The following CHID1 variants were observed in gnomAD, a reference collection of about 807,000 sequenced individuals.
The protein encoded by CHID1 is chitinase domain-containing protein 1.
Under a neutral mutation model 55.4 loss-of-function variants are expected in CHID1, and 44 were observed. That is an observed-to-expected ratio of 0.79 (90% CI 0.62 to 1.02). The LOEUF is 1.02. Ranked by LOEUF, CHID1 falls within the 50% of genes least tolerant of loss-of-function variation. The pLI is 0.00. For synonymous variants in CHID1, 216 were observed against 212.9 expected (o/e 1.01, Z -0.13); for missense variants, 491 against 515.3 (o/e 0.95, Z 0.46).
intron 10 of CHID1, among the ~76,000 whole-genome samples, chr11:880,067 C>T (rs1849794258): frequency 1.3e-5 from 2 of 152,358 alleles, no homozygotes; most frequent in Admixed American, 6.5e-5. Flanking sequence ...GGCCGGGCCC[C>T]TCACTCTGCA....
upstream of CHID1, chr11:910,941 G>T: frequency 2.6e-6 from 1 of 387,458 alleles, no homozygotes; most frequent in Non-Finnish European, 3.5e-6. Flanking sequence ...CGAAAGTCGG[G>T]GCCGGGGCCG....
Position 910,781 on chromosome 11 carries a change from G to C in CHID1, c.-50C>G. The C allele has an allele frequency of 8.8e-7, 1 of 1,130,524 alleles. No individual in the cohort carries two copies. Among genetic ancestry groups the C allele is most frequent in the African/African-American group, 1.7e-5 (1 of 58,432 alleles). The allele number at this position is 1,130,524 out of a possible 1,614,324, so 70.0% of individuals were successfully genotyped here. A position where few individuals can be genotyped will look rare whatever the true frequency, so the allele number is the denominator to read the frequency against. ...CGGCCGCCGCGGGGCTCACCTGCAT[G>C]TCAGGGAGGCCGGACGGCCACAAAC... On this transcript the variant is annotated 5_prime_UTR_variant, in exon 1 of 13. Transcript: ENST00000323578.
chr11:885,449 G>A (rs1382804443), intron 8 of CHID1, among the ~76,000 whole-genome samples: 1 of 152,130 alleles, frequency 6.6e-6, no homozygotes, highest in East Asian at 1.9e-4. Context: ...CTGCAGGTAC[G>A]TGGAGCATCA....
In CHID1 at chr11:884,077, G is replaced by A; in HGVS notation, c.794C>T (p.Thr265Ile). 3 of 1,613,584 alleles carry A rather than the reference G, an allele frequency of 1.9e-6. No individual in the cohort carries two copies. The highest frequency in any genetic ancestry group is 2.5e-6 in the Non-Finnish European group (3 of 1,179,494). ...GFSLMTYDYS[T>I]AHQPGPNAPL... is the part of the protein sequence containing the mutation. ...CCAAGCCCACACTCACTGATGCGCT[G>A]TAGAGTAGTCGTAGGTCATGAGGCT... Residue 265 changes from threonine (T) to isoleucine (I), a missense_variant, in exon 9 of 13, where the codon ACA becomes ATA. Thr to Ile is a moderately conservative substitution (Grantham distance 89). Coordinates refer to ENST00000323578, the MANE Select transcript of CHID1 (RefSeq NM_023947.4).
chr11:915,125 A>C (rs1480606877), upstream of CHID1: 1 of 152,874 alleles, frequency 6.5e-6, no homozygotes, highest in Admixed American at 6.5e-5. Flanking sequence ...TGGGATAAGC[A>C]AATCCAGGGC....
chr11:899,728 GGGTAGCAGGCAGCTGGGCTTTGCCCAA>G (rs1446507065), intron 6 of CHID1, among the ~76,000 whole-genome samples: 1 of 152,236 alleles, frequency 6.6e-6, no homozygotes, highest in Non-Finnish European at 1.5e-5. Context: ...CCTCCCAGGA[GGGTAGCAGGCAGCTGGGCTTTGCCCAA>G]GGGAAGAACC....
At chr11:870,396 G>A (rs746147568) in intron 11 of CHID1, 23 bp downstream of exon 11, 10 of 1,587,404 alleles carry the variant, frequency 6.3e-6, no homozygotes, top group Non-Finnish European at 8.6e-6. Flanking sequence ...GCCAAGGTGG[G>A]CCACGCACTT....
chr11:912,970 T>C (rs1193470963), upstream of CHID1, among the ~76,000 whole-genome samples: 1 of 152,172 alleles, frequency 6.6e-6, no homozygotes, highest in Non-Finnish European at 1.5e-5. Context: ...AGCATTCCTG[T>C]ATTAAGTGAA....
At chr11:887,367 C>T (rs1304361119) in intron 8 of CHID1, among the ~76,000 whole-genome samples, 1 of 152,196 alleles carries the variant, frequency 6.6e-6, no homozygotes, top group African/African-American at 2.4e-5. Flanking sequence ...ATTTTCTCTC[C>T]TCTAGCTCTC....
chr11:910,909 C>CA, upstream of CHID1: 1 of 939,412 alleles, frequency 1.1e-6, no homozygotes. Context: ...TGGGCCAGGA[C>CA]AGGGGACTGG....
intron 10 of CHID1, among the ~76,000 whole-genome samples, chr11:876,932 C>T (rs1341388694): frequency 2.0e-5 from 3 of 152,190 alleles, no homozygotes; most frequent in African/African-American, 4.8e-5. Context: ...GGCCTGCTCC[C>T]CTCCAGTGGT....
At chr11:896,746 C>T (rs1462961646) in intron 7 of CHID1, among the ~76,000 whole-genome samples, 1 of 144,876 alleles carries the variant, frequency 6.9e-6, no homozygotes, top group African/African-American at 2.6e-5. Flanking sequence ...CTCAGCACCC[C>T]TAGCCTCCAC....
chr11:872,103 G>C (rs749560207), intron 10 of CHID1, among the ~76,000 whole-genome samples: 6 of 152,180 alleles, frequency 3.9e-5, no homozygotes, highest in Non-Finnish European at 5.9e-5. Flanking sequence ...CACATGGCAG[G>C]GAGGGTGGGA....
At chr11:905,037 T>C (rs1852109434) in intron 1 of CHID1, among the ~76,000 whole-genome samples, 178 bp from the exon 2 acceptor site, 1 of 152,152 alleles carries the variant, frequency 6.6e-6, no homozygotes. Flanking sequence ...CACAGTCTAT[T>C]CTCCAGTACT....
At chr11:914,602 C>G, upstream of CHID1, 1 of 1,284,468 alleles carries the variant, frequency 7.8e-7, no homozygotes, top group Non-Finnish European at 1.0e-6. Context: ...GGAGTGGTGG[C>G]TCACGCCGTA....
intron 11 of CHID1, 90 bp downstream of exon 11, chr11:870,329 C>A (rs1010636964): frequency 1.5e-6 from 2 of 1,348,382 alleles, no homozygotes; most frequent in Non-Finnish European, 2.1e-6. Context: ...ACCCTGAGAC[C>A]CCCTGGGCCC....
intron 10 of CHID1, among the ~76,000 whole-genome samples, chr11:874,558 G>A (rs900094987): frequency 3.9e-5 from 6 of 152,278 alleles, no homozygotes; most frequent in Middle Eastern, 3.4e-3. Context: ...AGGCTCAAGC[G>A]ATCCTCCCGC....
chr11:880,728 G>T (rs931481244), intron 10 of CHID1, among the ~76,000 whole-genome samples: 1 of 151,926 alleles, frequency 6.6e-6, no homozygotes, highest in Non-Finnish European at 1.5e-5. Flanking sequence ...GCTGACACAC[G>T]CACACACCCC....
At position 904,717 on chromosome 11, in the gene CHID1, G is replaced by T. The variant is rs1852080992; in HGVS notation, c.100C>A (p.Leu34Met). ...SDAKKAASKT[L>M]LEKSQFSDKP... ...CAGGCCACCCTTACCTTCTCCAGCA[G>T]CGTCTTTGAGGCGGCTTTTTTGGCA... The change falls in exon 2 of 13, where the codon CTG becomes ATG. Residue 34 changes from leucine (L) to methionine (M), a missense_variant. Leu to Met is a conservative substitution (Grantham distance 15, BLOSUM62 2). Coordinates refer to ENST00000323578, the MANE Select transcript of CHID1 (RefSeq NM_023947.4). The T allele has an allele frequency of 1.2e-6, 2 of 1,614,026 alleles. No individual in the cohort carries two copies. Among genetic ancestry groups the T allele is most frequent in the South Asian group, 1.1e-5 (1 of 91,094 alleles).
Sources: gnomAD v4.1 joint callset for allele counts (sites outside exome capture counted in the v4.1 genomes callset) on GRCh38, gnomAD v4.1.1 for gene constraint, MANE v1.5 for transcripts, NCBI Gene and HGNC (gene_info 2026-07-23, HGNC 2026-07-21) for gene names.